Variants in RALGPS1 observed in about 807,000 individuals in gnomAD.
RALGPS1 encodes Ral GEF with PH domain and SH3 binding motif 1.
In RALGPS1, 19 loss-of-function variants were observed where a neutral mutation model predicts 78.8. That is an observed-to-expected ratio of 0.24 (90% CI 0.17 to 0.35). RALGPS1 has a LOEUF of 0.35. RALGPS1 is among the 10% of genes least tolerant of loss of function. The probability of loss-of-function intolerance (pLI) is 1.00; values close to 1 mark genes in which losing one functional copy is unlikely to be tolerated. For synonymous variants in RALGPS1, 228 were observed against 256.3 expected (o/e 0.89, Z 1.06); for missense variants, 454 against 688.3 (o/e 0.66, Z 3.81).
intron 13 of RALGPS1, among the ~76,000 whole-genome samples, chr9:127,197,914 A>G (rs924145416): frequency 2.0e-5 from 3 of 152,174 alleles, no homozygotes; most frequent in African/African-American, 4.8e-5. Flanking sequence ...GGAGTGTCCA[A>G]TGGGACCTGG....
intron 4 of RALGPS1, among the ~76,000 whole-genome samples, chr9:127,004,926 C>T (rs1329606465): frequency 6.6e-6 from 1 of 152,198 alleles, no homozygotes; most frequent in African/African-American, 2.4e-5. Flanking sequence ...TACCCTAATA[C>T]AGCAGCCTTG....
chr9:126,994,788 G>A (rs4431689), intron 4 of RALGPS1, among the ~76,000 whole-genome samples: 87,972 of 150,630 alleles, frequency 0.58, 29,665 homozygotes, highest in East Asian at 0.81. Context: ...GAGAAAGGTC[G>A]GGTTACCCAC....
intron 7 of RALGPS1, among the ~76,000 whole-genome samples, chr9:127,055,052 T>G (rs2048623518): frequency 6.8e-6 from 1 of 148,090 alleles, no homozygotes; most frequent in African/African-American, 2.5e-5. Context: ...GAAATCTCCT[T>G]GGGGAGCCTG....
At chr9:126,941,915 G>A (rs1485336213) in intron 1 of RALGPS1, among the ~76,000 whole-genome samples, 1 of 152,128 alleles carries the variant, frequency 6.6e-6, no homozygotes, top group Admixed American at 6.5e-5. Flanking sequence ...ATACTCTCTG[G>A]TTATCTATTT....
chr9:127,084,981 C>G (rs1360235051), intron 8 of RALGPS1, among the ~76,000 whole-genome samples: 1 of 152,146 alleles, frequency 6.6e-6, no homozygotes, highest in Non-Finnish European at 1.5e-5. Context: ...CTTGGGAGAT[C>G]AGAGAGGACA....
intron 8 of RALGPS1, chr9:127,093,736 G>A: frequency 6.2e-7 from 1 of 1,614,054 alleles, no homozygotes; most frequent in South Asian, 1.1e-5. Context: ...GTCTCACCTT[G>A]TACGTCTCCC....
intron 11 of RALGPS1, among the ~76,000 whole-genome samples, chr9:127,188,019 G>C (rs976189506): frequency 6.8e-6 from 1 of 147,192 alleles, no homozygotes; most frequent in African/African-American, 2.5e-5. Flanking sequence ...ACTCTCTCCA[G>C]ATGGTTCTGA....
At chr9:127,092,501 T>C (rs1013936750) in intron 8 of RALGPS1, among the ~76,000 whole-genome samples, 4 of 152,172 alleles carry the variant, frequency 2.6e-5, no homozygotes, top group Non-Finnish European at 4.4e-5. Flanking sequence ...TTACGGCCAC[T>C]AAAGTCTTGG....
chr9:126,995,622 C>T (rs202232891), intron 4 of RALGPS1, among the ~76,000 whole-genome samples: 46 of 152,080 alleles, frequency 3.0e-4, no homozygotes, highest in African/African-American at 9.6e-4. Context: ...GACAGATCAA[C>T]GAGACAGAAA....
intron 11 of RALGPS1, among the ~76,000 whole-genome samples, chr9:127,175,118 C>T (rs1280765514): frequency 2.0e-5 from 3 of 152,184 alleles, no homozygotes. Context: ...AGACCCTTAG[C>T]GGGGCTGCTG....
At chr9:126,958,934 CTGT>C (rs1392207371) in intron 1 of RALGPS1, among the ~76,000 whole-genome samples, 2 of 152,040 alleles carry the variant, frequency 1.3e-5, no homozygotes, top group African/African-American at 2.4e-5. Context: ...TTGTTATGGC[CTGT>C]TGTTGTTGTT....
chr9:127,219,110 C>T lies in RALGPS1; in HGVS notation c.*341C>T. On this transcript the variant is annotated 3_prime_UTR_variant, in exon 19 of 19. Transcript: ENST00000259351. The surrounding 1 kb of genome is among the most constrained non-coding windows in gnomAD (Gnocchi z 5.0). ...AGTGCTTTCTACTGCACAGAGTGGA[C>T]AGCGCTAACTAACCTGTGAGAGGGG... 1 of 370,530 alleles carries T rather than the reference C, an allele frequency of 2.7e-6. No individual in the cohort carries two copies. Among genetic ancestry groups the T allele is most frequent in the Non-Finnish European group, 5.1e-6 (1 of 195,570 alleles). 23.0% of individuals were successfully genotyped at this position (370,530 alleles called of 1,614,324 possible).
chr9:127,180,955 A>T (rs1306203744), intron 11 of RALGPS1, among the ~76,000 whole-genome samples: 1 of 152,248 alleles, frequency 6.6e-6, no homozygotes, highest in African/African-American at 2.4e-5. Flanking sequence ...TCCTGACAGC[A>T]TGGCAGCCTC....
chr9:127,184,727 C>A (rs999242212), intron 11 of RALGPS1, among the ~76,000 whole-genome samples: 1 of 152,250 alleles, frequency 6.6e-6, no homozygotes, highest in African/African-American at 2.4e-5. Flanking sequence ...AGTGAGAAAA[C>A]GCAGGCTCCA....
chr9:127,157,154 AAAAATGTTTATTT>A (rs924672828), intron 8 of RALGPS1, among the ~76,000 whole-genome samples: 3 of 152,066 alleles, frequency 2.0e-5, no homozygotes, highest in Non-Finnish European at 2.9e-5. Flanking sequence ...TCTTCTTGTT[AAAAATGTTTATTT>A]TCATACATTT....
intron 11 of RALGPS1, among the ~76,000 whole-genome samples, chr9:127,187,015 G>C (rs536025259): frequency 6.6e-6 from 1 of 152,300 alleles, no homozygotes; most frequent in African/African-American, 2.4e-5. Context: ...GAGTGAGCAG[G>C]AAGGGCCGAA....
chr9:127,187,792 G>A (rs2060748229), intron 11 of RALGPS1, among the ~76,000 whole-genome samples: 1 of 152,206 alleles, frequency 6.6e-6, no homozygotes. Context: ...AAGCAGGATG[G>A]TTTTCATTCT....
intron 11 of RALGPS1, among the ~76,000 whole-genome samples, chr9:127,176,779 G>C (rs573751942): frequency 1.3e-5 from 2 of 152,334 alleles, no homozygotes; most frequent in East Asian, 3.9e-4. Context: ...ACTGAGCAGG[G>C]AGAGGTGGGA....
intron 4 of RALGPS1, among the ~76,000 whole-genome samples, chr9:127,021,169 C>G (rs1364064340): frequency 6.6e-6 from 1 of 152,062 alleles, no homozygotes; most frequent in Non-Finnish European, 1.5e-5. Context: ...AGGAGGATTG[C>G]TTGAGCCCAG....
Sources: allele counts gnomAD v4.1 joint callset (sites outside exome capture counted in the v4.1 genomes callset), GRCh38; gene constraint gnomAD v4.1.1; non-coding constraint Gnocchi (gnomAD v3.1); transcripts MANE v1.5; gene names NCBI Gene and HGNC (gene_info 2026-07-23, HGNC 2026-07-21).